The following RNF6 variants were observed in gnomAD, a reference collection of about 807,000 sequenced individuals.
The protein encoded by RNF6 is ring finger protein 6.
In RNF6, 21 loss-of-function variants were observed where a neutral mutation model predicts 50.1. The observed-to-expected ratio is 0.42, with a 90% CI of 0.30 to 0.60. RNF6 has a LOEUF of 0.60. Among genes scored for constraint, RNF6 ranks in the 20% least tolerant of loss-of-function variants. The probability of loss-of-function intolerance (pLI) is 0.20; values close to 1 mark genes in which losing one functional copy is unlikely to be tolerated. For synonymous variants in RNF6, 255 were observed against 291.8 expected, an observed-to-expected ratio of 0.87 and a Z score of 1.29; for missense variants, 698 against 838.2, an observed-to-expected ratio of 0.83 and a Z score of 2.07.
At chr13:26,221,375 T>C (rs1489876849) in intron 1 of RNF6, 45 bp from the exon 2 acceptor site, 4 of 152,200 alleles carry the variant, frequency 2.6e-5, no homozygotes, top group African/African-American at 9.7e-5. Context: ...AACTGTTTCT[T>C]TAAAGGCCAG....
chr13:26,180,201 C>A (rs1435345642), intron 5 of RNF6, among the ~76,000 whole-genome samples: 1 of 152,154 alleles, frequency 6.6e-6, no homozygotes, highest in African/African-American at 2.4e-5. Context: ...GCTATCTCTA[C>A]CACAATCAAA....
Position 26,218,489 on chromosome 13 carries a change from TATG to T in RNF6, c.289+19_289+21del. ...AAGTGCTCCAATCAAGCCTGTTCCTTATGGAAAGGACTCCATAGTACCTCTGTA... is the reference window on the plus strand; with the variant it reads ...AAGTGCTCCAATCAAGCCTGTTCCTTGAAAGGACTCCATAGTACCTCTGTA... On this transcript the variant is annotated intron_variant, in intron 4 of 4. Coordinates refer to ENST00000381588, the MANE Select transcript of RNF6 (RefSeq NM_005977.4). 6.3e-7 allele frequency: 1 copy of T among 1,575,864 alleles called. No individual in the cohort carries two copies. The highest frequency in any genetic ancestry group is 8.7e-7 in the Non-Finnish European group (1 of 1,145,314).
chr13:26,218,648 A>T (rs1458205477), intron 3 of RNF6, 42 bp from the exon 4 acceptor site: 1 of 1,486,514 alleles, frequency 6.7e-7, no homozygotes, highest in African/African-American at 1.4e-5. Flanking sequence ...TTCTGAATTA[A>T]GTTTTATGAG....
At chr13:26,139,229 C>T (rs1870807203) in intron 5 of RNF6, among the ~76,000 whole-genome samples, 1 of 152,130 alleles carries the variant, frequency 6.6e-6, no homozygotes, top group Non-Finnish European at 1.5e-5. Flanking sequence ...TAAATCATCC[C>T]AGAGTCAGGG....
chr13:26,178,591 C>CGTGTGTGT (rs3981342), intron 5 of RNF6, among the ~76,000 whole-genome samples: 1,896 of 100,276 alleles, frequency 0.019, 43 homozygotes, highest in East Asian at 0.056. Context: ...CTGCCTGGTC[C>CGTGTGTGT]GTGTGTGTGT....
intron 5 of RNF6, among the ~76,000 whole-genome samples, chr13:26,187,636 T>C (rs1593176022): frequency 6.6e-6 from 1 of 152,356 alleles, no homozygotes; most frequent in Non-Finnish European, 1.5e-5. Context: ...CAAGGTCTTA[T>C]TGCCAATCAG....
chr13:26,216,973 TAAATA>T (rs1254390340), intron 4 of RNF6, among the ~76,000 whole-genome samples: 12 of 152,062 alleles, frequency 7.9e-5, no homozygotes, highest in Admixed American at 7.2e-4. Flanking sequence ...AATAAACAAA[TAAATA>T]AAATAGCTAT....
intron 5 of RNF6, among the ~76,000 whole-genome samples, chr13:26,148,479 A>T (rs1871367257): frequency 6.6e-6 from 1 of 151,244 alleles, no homozygotes; most frequent in Non-Finnish European, 1.5e-5. Context: ...CGCATTTTTA[A>T]ATCTAATCAT....
chr13:26,136,442 G>A (rs1469186966), intron 5 of RNF6, among the ~76,000 whole-genome samples: 1 of 152,178 alleles, frequency 6.6e-6, no homozygotes, highest in Non-Finnish European at 1.5e-5. Context: ...TACACTTGAG[G>A]CTTCTCTGCT....
At chr13:26,139,563 A>G (rs1363750204) in intron 5 of RNF6, among the ~76,000 whole-genome samples, 1 of 152,236 alleles carries the variant, frequency 6.6e-6, no homozygotes, top group Non-Finnish European at 1.5e-5. Flanking sequence ...CTTTACAGTC[A>G]GCTTGTCAAT....
At chr13:26,183,640 GA>G (rs1396686465) in intron 5 of RNF6, among the ~76,000 whole-genome samples, 2 of 152,074 alleles carry the variant, frequency 1.3e-5, no homozygotes, top group Admixed American at 6.6e-5. Context: ...GTGAAACTGA[GA>G]AGGTAAAATG....
In RNF6 at chr13:26,201,095, A is replaced by G. The variant is rs562317590; in HGVS notation, n.768+14379T>C. Among the ~76,000 whole-genome samples, 86 of 152,336 alleles carry G rather than the reference A, an allele frequency of 5.6e-4. 2 individuals are homozygous for G. The South Asian group carries it at 0.017, about 31-fold the overall frequency. Reference sequence around the variant, plus strand: ...GCATGAATAGCAAATAAAAAACACCATGACAAGTCAAGACTGCAGAAGAAA... The same window carrying G: ...GCATGAATAGCAAATAAAAAACACCGTGACAAGTCAAGACTGCAGAAGAAA... On this transcript the variant is annotated intron_variant and non_coding_transcript_variant, in intron 5 of 5. Coordinates refer to the RNF6 transcript ENST00000468480.
At chr13:26,160,061 G>A (rs1304517607) in intron 5 of RNF6, among the ~76,000 whole-genome samples, 1 of 151,894 alleles carries the variant, frequency 6.6e-6, no homozygotes, top group African/African-American at 2.4e-5. Context: ...ATTTTTGTCT[G>A]AACTACAAAT....
At chr13:26,151,592 T>A (rs1473715826) in intron 5 of RNF6, among the ~76,000 whole-genome samples, 1 of 150,750 alleles carries the variant, frequency 6.6e-6, no homozygotes, top group Non-Finnish European at 1.5e-5. Flanking sequence ...ATATCTTAAC[T>A]GAACCTTTTC....
At chr13:26,181,282 C>T (rs1217407287) in intron 5 of RNF6, among the ~76,000 whole-genome samples, 2 of 152,150 alleles carry the variant, frequency 1.3e-5, no homozygotes, top group South Asian at 2.1e-4. Context: ...CCAGGATGTG[C>T]ACTCTAAAGG....
intron 5 of RNF6, among the ~76,000 whole-genome samples, chr13:26,187,065 C>A (rs1873585178): frequency 6.6e-6 from 1 of 151,930 alleles, no homozygotes; most frequent in Non-Finnish European, 1.5e-5. Flanking sequence ...GCATGAGCCA[C>A]CGCGCCCGGC....
rs199713035 is a variant in RNF6 at position 26,187,069 on chromosome 13, GC to G, written n.768+28404del. 7.3e-3 allele frequency among the ~76,000 whole-genome samples: 1,052 copies of G among 144,492 alleles called. 9 individuals are homozygous for G. Among genetic ancestry groups the G allele is most frequent in the African/African-American group, 0.025 (1,005 of 40,478 alleles). The allele number at this position is 144,492 out of a possible 152,430, so 94.8% of individuals were successfully genotyped here. A position where few individuals can be genotyped will look rare whatever the true frequency, so the allele number is the denominator to read the frequency against. ...TGAGATTACAGGCATGAGCCACCGC[GC>G]CCGGCAAGCGTCAGGGACCTTTCTA... On this transcript the variant is annotated intron_variant and non_coding_transcript_variant, in intron 5 of 5. Transcript: ENST00000468480.
intron 5 of RNF6, among the ~76,000 whole-genome samples, chr13:26,158,635 TA>T (rs1305280853): frequency 6.6e-6 from 1 of 152,162 alleles, no homozygotes; most frequent in Non-Finnish European, 1.5e-5. Context: ...TGCTGAGTGA[TA>T]AAAACAGGTT....
In RNF6 at chr13:26,212,908, G is replaced by GC. The variant is rs1259577391; in HGVS notation, c.*915dup. 6.6e-6 allele frequency: 1 copy of GC among 152,112 alleles called. No homozygotes were observed. The highest frequency in any genetic ancestry group is 1.9e-4 in the East Asian group (1 of 5,190). The allele number at this position is 152,112 out of a possible 1,614,324, so 9.4% of individuals were successfully genotyped here. On this transcript the variant is annotated 3_prime_UTR_variant, in exon 5 of 5. Coordinates refer to ENST00000381588, the MANE Select transcript of RNF6 (RefSeq NM_005977.4). ...AGCCTCCAAGTGAACTTAACATATT[G>GC]CCTATGCATCTGATTCTTTATAGAC... is the stretch of plus-strand genomic sequence containing the variant.
Sources: gnomAD v4.1 joint callset for allele counts (sites outside exome capture counted in the v4.1 genomes callset) on GRCh38, gnomAD v4.1.1 for gene constraint, MANE v1.5 for transcripts, NCBI Gene and HGNC (gene_info 2026-07-23, HGNC 2026-07-21) for gene names.